LINGO2: variants seen among roughly 807,000 people sequenced by gnomAD.
LINGO2 encodes leucine-rich repeat and immunoglobulin-like domain-containing nogo receptor-interacting protein 2.
A neutral mutation model predicts 30.6 loss-of-function variants in LINGO2; 14 were observed. That is an observed-to-expected ratio of 0.46 (90% CI 0.30 to 0.72). The LOEUF is 0.72. LINGO2 is among the 30% of genes least tolerant of loss of function. The pLI is 0.07. For synonymous variants in LINGO2, 317 were observed against 288.5 expected (o/e 1.10, Z -1.00); for missense variants, 729 against 751.7 (o/e 0.97, Z 0.35).
chr9:28,056,031 G>A (rs184099712), intron 4 of LINGO2, among the ~76,000 whole-genome samples: 274 of 152,180 alleles, frequency 1.8e-3, no homozygotes, highest in African/African-American at 6.2e-3. Flanking sequence ...GAAAACTTAA[G>A]ACAAAAGAAA....
chr9:28,964,443 C>T, the LINGO2 span, among the ~76,000 whole-genome samples: 1 of 151,874 alleles, frequency 6.6e-6, no homozygotes, highest in Admixed American at 6.6e-5. Flanking sequence ...AGGCAAGAAG[C>T]ATCATGATAT....
At chr9:29,044,231 A>T in the LINGO2 span, among the ~76,000 whole-genome samples, 1 of 151,604 alleles carries the variant, frequency 6.6e-6, no homozygotes, top group East Asian at 2.0e-4. Context: ...TTATGTAAGT[A>T]TATAATAATT....
At chr9:28,055,255 A>C (rs893463380) in intron 4 of LINGO2, among the ~76,000 whole-genome samples, 1 of 152,162 alleles carries the variant, frequency 6.6e-6, no homozygotes, top group African/African-American at 2.4e-5. Flanking sequence ...GAAGCCTCAA[A>C]CTGATTTCCT....
At chr9:28,828,781 G>T in the LINGO2 span, among the ~76,000 whole-genome samples, 1 of 152,126 alleles carries the variant, frequency 6.6e-6, no homozygotes, top group Non-Finnish European at 1.5e-5. Flanking sequence ...TGAACCTTCA[G>T]AGGAAGGCAA....
At chr9:28,987,493 T>C in the LINGO2 span, among the ~76,000 whole-genome samples, 1 of 152,048 alleles carries the variant, frequency 6.6e-6, no homozygotes, top group East Asian at 1.9e-4. Context: ...AAACCAACTC[T>C]TAGTTTATTG....
intron 2 of LINGO2, among the ~76,000 whole-genome samples, chr9:28,444,485 AC>A (rs1356796317): frequency 1.2e-4 from 19 of 152,258 alleles, no homozygotes; most frequent in Admixed American, 3.9e-4. Flanking sequence ...GCCCCCATCA[AC>A]CCATTCACCA....
chr9:28,816,639 T>C, the LINGO2 span, among the ~76,000 whole-genome samples: 8 of 152,232 alleles, frequency 5.3e-5, no homozygotes, highest in Admixed American at 4.6e-4. Flanking sequence ...AAAAATCCTC[T>C]CAGAATATTT....
chr9:28,071,495 C>T (rs1355700992), intron 4 of LINGO2, among the ~76,000 whole-genome samples: 2 of 151,888 alleles, frequency 1.3e-5, no homozygotes, highest in Non-Finnish European at 2.9e-5. Flanking sequence ...GTAAATTTCT[C>T]TAGTCCTTAC....
At chr9:28,607,105 T>C (rs1463838610) in intron 1 of LINGO2, among the ~76,000 whole-genome samples, 2 of 152,044 alleles carry the variant, frequency 1.3e-5, no homozygotes, top group East Asian at 1.9e-4. Context: ...AACTGTCTTA[T>C]AAAACAATGC....
At chr9:28,101,926 T>A (rs1826428510) in intron 4 of LINGO2, among the ~76,000 whole-genome samples, 1 of 152,134 alleles carries the variant, frequency 6.6e-6, no homozygotes, top group Non-Finnish European at 1.5e-5. Flanking sequence ...TTTTGACATT[T>A]AGGAGTCACG....
chr9:28,088,906 G>C (rs1231047836), intron 4 of LINGO2, among the ~76,000 whole-genome samples: 3 of 151,928 alleles, frequency 2.0e-5, no homozygotes, highest in Admixed American at 6.6e-5. Flanking sequence ...AAAGGAAGGG[G>C]TTCCAATCCT....
At chr9:27,982,561 C>A (rs1416203385) in intron 5 of LINGO2, among the ~76,000 whole-genome samples, 3 of 151,862 alleles carry the variant, frequency 2.0e-5, no homozygotes, top group African/African-American at 7.2e-5. Context: ...GTTACATCCT[C>A]ATCCCTTTTT....
chr9:28,949,722 A>G, the LINGO2 span, among the ~76,000 whole-genome samples: 1 of 152,100 alleles, frequency 6.6e-6, no homozygotes, highest in Non-Finnish European at 1.5e-5. Flanking sequence ...ACTATTCCAA[A>G]CAATAGAAAA....
chr9:28,487,024 T>C (rs1214958863), intron 1 of LINGO2, among the ~76,000 whole-genome samples: 1 of 151,692 alleles, frequency 6.6e-6, no homozygotes, highest in Non-Finnish European at 1.5e-5. Context: ...AGGTATGGAG[T>C]CAAAAATGTA....
chr9:28,402,344 G>A (rs182344422), intron 2 of LINGO2, among the ~76,000 whole-genome samples: 22 of 152,012 alleles, frequency 1.4e-4, no homozygotes, highest in Non-Finnish European at 2.9e-4. Flanking sequence ...AGGAATAGTC[G>A]CAGTTAAAAC....
intron 4 of LINGO2, among the ~76,000 whole-genome samples, chr9:28,239,272 T>G (rs1331781519): frequency 1.3e-5 from 2 of 151,918 alleles, no homozygotes; most frequent in African/African-American, 2.4e-5. Flanking sequence ...AGAAGATACT[T>G]CCAAACTCAT....
chr9:28,388,229 T>A lies in LINGO2; in HGVS notation c.-278-15361A>T, dbSNP rs372184821. On this transcript the variant is annotated intron_variant, in intron 2 of 5. Coordinates refer to ENST00000379992, the Ensembl canonical transcript of LINGO2. ...TGTCTCTATGATAGAATCGCTCTTT[T>A]ATGCATCTGTTGTTTGTTAATTCTC... 2.6e-5 allele frequency among the ~76,000 whole-genome samples: 4 copies of A among 152,332 alleles called. No homozygotes were observed. In the South Asian group the frequency reaches 8.3e-4, roughly 32 times the overall value.
At chr9:28,469,270 A>AG (rs1300625133) in intron 2 of LINGO2, among the ~76,000 whole-genome samples, 17 of 151,882 alleles carry the variant, frequency 1.1e-4, no homozygotes, top group African/African-American at 3.4e-4. Context: ...AAGAGTAAAA[A>AG]GAAAAAAAAA....
At chr9:28,673,122 A>G (rs1437731953), upstream of LINGO2, among the ~76,000 whole-genome samples, 3 of 152,162 alleles carry the variant, frequency 2.0e-5, no homozygotes, top group African/African-American at 4.8e-5. Flanking sequence ...AGTTTAAGTA[A>G]TACAATTTTC....
Sources: allele counts gnomAD v4.1 joint callset (sites outside exome capture counted in the v4.1 genomes callset), GRCh38; gene constraint gnomAD v4.1.1; transcripts MANE v1.5; gene names NCBI Gene and HGNC (gene_info 2026-07-23, HGNC 2026-07-21).